The following TENM1 variants were observed in gnomAD, a reference collection of about 807,000 sequenced individuals.
The protein encoded by TENM1 is teneurin transmembrane protein 1, also known as teneurin-1.
Under a neutral mutation model 174.8 loss-of-function variants are expected in TENM1, and 35 were observed. That is an observed-to-expected ratio of 0.20 (90% confidence interval 0.15 to 0.27). The LOEUF (loss-of-function observed/expected upper bound fraction) is 0.27. Ranked by LOEUF, TENM1 falls within the 10% of genes least tolerant of loss-of-function variation. The pLI, the probability that TENM1 is intolerant of heterozygous loss-of-function variation, is 1.00. For missense variants in TENM1, 1,633 were observed against 2,130.1 expected, an observed-to-expected ratio of 0.77 and a Z score of 4.59; for synonymous variants, 781 against 798.7, an observed-to-expected ratio of 0.98 and a Z score of 0.37.
At chrX:124,588,847 C>G (rs1473491362) in intron 11 of TENM1, among the ~76,000 whole-genome samples, 1 of 111,248 alleles carries the variant, frequency 9.0e-6, no homozygotes, top group Non-Finnish European at 1.9e-5. Context: ...TCCATGAAGA[C>G]AGATAGTCTG....
chrX:125,017,743 A>G, the TENM1 span, among the ~76,000 whole-genome samples: 1 of 111,778 alleles, frequency 8.9e-6, no homozygotes, highest in Non-Finnish European at 1.9e-5. Context: ...AGCTGAAACC[A>G]TCATTCTCAG....
At chrX:124,852,727 C>T (rs139210815) in intron 3 of TENM1, among the ~76,000 whole-genome samples, 1,922 of 110,643 alleles carry the variant, frequency 0.017, 30 homozygotes, top group African/African-American at 0.06. Context: ...AACATAGATA[C>T]GGATGATACT....
chrX:124,491,719 T>G (rs1484065447), intron 20 of TENM1, among the ~76,000 whole-genome samples: 1 of 112,158 alleles, frequency 8.9e-6, no homozygotes, highest in Non-Finnish European at 1.9e-5. Context: ...AATAAATGAT[T>G]GGCAACCAAT....
At chrX:124,848,840 C>T (rs1316733961) in intron 3 of TENM1, among the ~76,000 whole-genome samples, 3 of 111,303 alleles carry the variant, frequency 2.7e-5, no homozygotes, top group African/African-American at 9.8e-5. Flanking sequence ...AACATGATCT[C>T]ATTTATGTTT....
exon 5 of TENM1, chrX:124,705,241 A>C: frequency 8.4e-7 from 1 of 1,193,031 alleles, no homozygotes; most frequent in Non-Finnish European, 1.1e-6. Flanking sequence ...CCATGTTTGA[A>C]CAGGAAATGC....
At chrX:124,924,887 T>G (rs988039865) in intron 1 of TENM1, among the ~76,000 whole-genome samples, 8 of 110,440 alleles carry the variant, frequency 7.2e-5, no homozygotes, top group African/African-American at 2.6e-4. Flanking sequence ...ATCAAACATG[T>G]ACTAACAGTG....
At chrX:124,867,330 C>T (rs2057026140) in intron 3 of TENM1, among the ~76,000 whole-genome samples, 1 of 111,863 alleles carries the variant, frequency 8.9e-6, no homozygotes, top group Non-Finnish European at 1.9e-5. Context: ...AAGGATGGCT[C>T]ACCATACACA....
At chrX:124,654,199 G>A (rs1170862459) in intron 6 of TENM1, among the ~76,000 whole-genome samples, 2 of 112,286 alleles carry the variant, frequency 1.8e-5, no homozygotes, top group Non-Finnish European at 3.8e-5. Context: ...AAGAGGGAAA[G>A]TTATTTGGTT....
the TENM1 span, among the ~76,000 whole-genome samples, chrX:125,128,250 CT>C: frequency 9.0e-6 from 1 of 111,653 alleles, no homozygotes; most frequent in Admixed American, 9.5e-5. Context: ...ACTCTTACCC[CT>C]AGTTCAGAAA....
At chrX:124,658,307 CA>C (rs1221166104) in intron 6 of TENM1, among the ~76,000 whole-genome samples, 2 of 111,338 alleles carry the variant, frequency 1.8e-5, no homozygotes, top group African/African-American at 6.5e-5. Context: ...TTATATTACC[CA>C]AAAGTAGTCA....
intron 11 of TENM1, among the ~76,000 whole-genome samples, chrX:124,584,652 A>G (rs1261176227): frequency 5.4e-5 from 6 of 111,208 alleles, no homozygotes; most frequent in South Asian, 3.8e-4. Flanking sequence ...ACCAGCTAAC[A>G]TCATAATGAC....
the TENM1 span, among the ~76,000 whole-genome samples, chrX:125,168,995 T>G: frequency 1.0e-3 from 112 of 110,369 alleles, no homozygotes; most frequent in Middle Eastern, 0.018. Flanking sequence ...TGTGTGTGGG[T>G]GTGTGTGTGT....
At chrX:124,792,505 TA>T (rs1302649394) in intron 3 of TENM1, among the ~76,000 whole-genome samples, 1 of 112,105 alleles carries the variant, frequency 8.9e-6, no homozygotes, top group East Asian at 2.8e-4. Flanking sequence ...TTGACAGTAA[TA>T]AACTCTTTAG....
the TENM1 span, among the ~76,000 whole-genome samples, chrX:125,017,102 A>T: frequency 2.7e-5 from 3 of 112,307 alleles, no homozygotes; most frequent in Non-Finnish European, 5.6e-5. Context: ...ACCTAAAACC[A>T]TAAAAACCCT....
intron 25 of TENM1, among the ~76,000 whole-genome samples, chrX:124,413,176 G>A (rs909579625): frequency 1.8e-5 from 2 of 111,916 alleles, no homozygotes; most frequent in Non-Finnish European, 3.8e-5. Flanking sequence ...GTCTTGGAAG[G>A]GGAGGCAAGG....
chrX:124,834,243 C>T (rs902254160), intron 3 of TENM1, among the ~76,000 whole-genome samples: 15 of 111,954 alleles, frequency 1.3e-4, no homozygotes, highest in African/African-American at 4.6e-4. Context: ...GCGATCTCAG[C>T]TCACTGCAAC....
chrX:124,924,038 A>G (rs924457945), intron 1 of TENM1, among the ~76,000 whole-genome samples: 2 of 112,501 alleles, frequency 1.8e-5, no homozygotes, highest in African/African-American at 6.4e-5. Flanking sequence ...TAAAATGTAA[A>G]TAACAGTTTG....
At chrX:125,094,533 T>C in the TENM1 span, among the ~76,000 whole-genome samples, 2 of 111,935 alleles carry the variant, frequency 1.8e-5, no homozygotes, top group South Asian at 3.7e-4. Context: ...GAAGGGACCA[T>C]TATTTTGTTT....
At chrX:124,393,318 T>C (rs1281676281) in intron 27 of TENM1, among the ~76,000 whole-genome samples, 1 of 111,305 alleles carries the variant, frequency 9.0e-6, no homozygotes, top group Non-Finnish European at 1.9e-5. Context: ...CAGCTGGTAG[T>C]GTCAGTGTTT....
Sources: gnomAD v4.1 joint callset for allele counts (sites outside exome capture counted in the v4.1 genomes callset) on GRCh38, gnomAD v4.1.1 for gene constraint, MANE v1.5 for transcripts, NCBI Gene and HGNC (gene_info 2026-07-23, HGNC 2026-07-21) for gene names.